The following DRICH1 variants were observed in gnomAD, a reference collection of about 807,000 sequenced individuals.
The protein encoded by DRICH1 is aspartate-rich protein 1.
DRICH1 carries 38 observed loss-of-function variants against 39.5 expected under a neutral mutation model. That is an observed-to-expected ratio of 0.96 (90% CI 0.74 to 1.26). The LOEUF is 1.26. DRICH1 is among the 50% of genes most tolerant of loss of function. The pLI, the probability that DRICH1 is intolerant of heterozygous loss-of-function variation, is 0.00. For missense variants in DRICH1, 279 were observed against 270.4 expected, an observed-to-expected ratio of 1.03 and a Z score of -0.22; for synonymous variants, 84 against 99.5, an observed-to-expected ratio of 0.84 and a Z score of 0.93.
At chr22:23,601,246 AT>A in the DRICH1 span, among the ~76,000 whole-genome samples, 6 of 152,216 alleles carry the variant, frequency 3.9e-5, no homozygotes, top group Non-Finnish European at 7.4e-5. Context: ...CATAAATGGA[AT>A]CATACTCAGC....
intron 11 of DRICH1, 119 bp downstream of exon 11, chr22:23,613,169 TC>T (rs2123765270): frequency 1.3e-6 from 1 of 768,244 alleles, no homozygotes; most frequent in East Asian, 2.5e-5. Context: ...CACACATATT[TC>T]CATTTTCTTT....
the DRICH1 span, among the ~76,000 whole-genome samples, chr22:23,597,914 CTTGT>C: frequency 6.6e-6 from 1 of 151,832 alleles, no homozygotes; most frequent in African/African-American, 2.4e-5. Context: ...CCACATCTGT[CTTGT>C]TTTTCTCCTG....
intron 1 of DRICH1, among the ~76,000 whole-genome samples, chr22:23,628,760 G>A (rs566063121): frequency 6.6e-6 from 1 of 152,284 alleles, no homozygotes; most frequent in East Asian, 1.9e-4. Flanking sequence ...CTGCTGACTT[G>A]TGTCCTGTCT....
chr22:23,622,047 A>G (rs1927770573), intron 4 of DRICH1, 44 bp downstream of exon 4: 3 of 1,601,854 alleles, frequency 1.9e-6, no homozygotes, highest in African/African-American at 2.7e-5. Context: ...TTCTCACATC[A>G]GAAAACCAAC....
At position 23,626,131 on chromosome 22, in the gene DRICH1, T is replaced by C; in HGVS notation, c.209-83A>G. ...AGGGAGCTTTGCTGGATGCGGCACA[T>C]GGAGCGTGGGACTGAAGGTTCGGAG... On this transcript the variant is annotated intron_variant, in intron 1 of 11. Coordinates refer to ENST00000317749, the MANE Select transcript of DRICH1 (RefSeq NM_016449.4). 3 of 919,926 alleles carry C rather than the reference T, an allele frequency of 3.3e-6. No individual in the cohort carries two copies. In the South Asian group the frequency reaches 4.1e-5, roughly 13 times the overall value. The allele number at this position is 919,926 out of a possible 1,614,324, so 57.0% of individuals were successfully genotyped here. A position where few individuals can be genotyped will look rare whatever the true frequency, so the allele number is the denominator to read the frequency against.
intron 11 of DRICH1, 93 bp from the exon 12 acceptor site, chr22:23,608,861 C>A: frequency 2.2e-6 from 3 of 1,358,366 alleles, no homozygotes; most frequent in Non-Finnish European, 3.1e-6. Context: ...ACGCCAGCAT[C>A]CCTGGGCTCC....
intron 1 of DRICH1, among the ~76,000 whole-genome samples, chr22:23,629,222 A>G (rs1928250507): frequency 6.6e-6 from 1 of 152,190 alleles, no homozygotes; most frequent in Non-Finnish European, 1.5e-5. Flanking sequence ...TATTTTCAGT[A>G]GAGACAGGGT....
At chr22:23,631,140 C>T (rs1928359834) in intron 1 of DRICH1, among the ~76,000 whole-genome samples, 1 of 152,096 alleles carries the variant, frequency 6.6e-6, no homozygotes, top group Non-Finnish European at 1.5e-5. Context: ...AAATTAGGAG[C>T]CGGGCGCGAT....
chr22:23,617,553 A>G (rs776524893), intron 7 of DRICH1, 22 bp downstream of exon 7: 6 of 1,612,788 alleles, frequency 3.7e-6, no homozygotes, highest in Non-Finnish European at 5.1e-6. Flanking sequence ...TTTCCTTAGA[A>G]GACAAAGAAA....
At chr22:23,595,260 C>T in the DRICH1 span, among the ~76,000 whole-genome samples, 24 of 148,218 alleles carry the variant, frequency 1.6e-4, no homozygotes, top group South Asian at 1.6e-3. Context: ...AGCTCTTGGT[C>T]GCTGTGGTGA....
At position 23,624,251 on chromosome 22, in the gene DRICH1, T is replaced by C. The variant is rs148734630; in HGVS notation, c.298+632A>G. The stretch of plus-strand genomic sequence containing the variant: ...TGAGTAACTGCTTGTGACAGAACTG[T>C]GTCCCAAACCACAGGCTCTGAGATT... On this transcript the variant is annotated intron_variant, in intron 3 of 11. Coordinates refer to ENST00000317749, the MANE Select transcript of DRICH1 (RefSeq NM_016449.4). The C allele has an allele frequency of 3.1e-3, 3,041 of 985,366 alleles. 76 individuals are homozygous for C. The African/African-American group carries it at 0.048, about 15-fold the overall frequency. The allele number at this position is 985,366 out of a possible 1,614,324, so 61.0% of individuals were successfully genotyped here. A position where few individuals can be genotyped will look rare whatever the true frequency, so the allele number is the denominator to read the frequency against.
intron 9 of DRICH1, 103 bp from the exon 10 acceptor site, chr22:23,613,763 T>G: frequency 1.2e-6 from 1 of 857,132 alleles, no homozygotes. Flanking sequence ...GAAGGCAGTA[T>G]AGTGATTGAG....
At chr22:23,610,999 C>A (rs1315986991) in intron 11 of DRICH1, among the ~76,000 whole-genome samples, 1 of 151,640 alleles carries the variant, frequency 6.6e-6, no homozygotes, top group African/African-American at 2.4e-5. Context: ...TTCAATTGCA[C>A]TCATATAACC....
intron 3 of DRICH1, chr22:23,624,384 CATA>C: frequency 1.0e-6 from 1 of 964,850 alleles, no homozygotes; most frequent in Non-Finnish European, 1.2e-6. Context: ...AGCCCATAAA[CATA>C]ATACTTCTCA....
the DRICH1 span, among the ~76,000 whole-genome samples, chr22:23,585,797 G>C: frequency 6.6e-6 from 1 of 152,218 alleles, no homozygotes; most frequent in African/African-American, 2.4e-5. Context: ...TGGGATTACA[G>C]GGATGAGTCA....
chr22:23,622,695 GAAAATGCTACAATTA>G (rs1927826348), intron 3 of DRICH1, among the ~76,000 whole-genome samples: 1 of 86,532 alleles, frequency 1.2e-5, no homozygotes, highest in Non-Finnish European at 2.6e-5. Flanking sequence ...AAAAGAATAT[GAAAATGCTACAATTA>G]AAAATAGTCA....
At chr22:23,588,854 T>C in the DRICH1 span, among the ~76,000 whole-genome samples, 7 of 152,148 alleles carry the variant, frequency 4.6e-5, no homozygotes, top group South Asian at 2.1e-4. Flanking sequence ...AGTTCTAGTT[T>C]AGCCAGGTGG....
rs187848220 is a variant in DRICH1, at chr22:23,623,464, C to T, written c.299-1288G>A. ...CAAATTTATATCAGTCTTGTTAAAT[C>T]TAACTAATCAGCTGTCAACATAAAG... On this transcript the variant is annotated intron_variant, in intron 3 of 11. Transcript: ENST00000317749. Among the ~76,000 whole-genome samples the T allele has an allele frequency of 1.1e-3, 173 of 152,200 alleles. 4 individuals are homozygous for T. Among genetic ancestry groups the T allele is most frequent in the South Asian group, 1.0e-2 (48 of 4,810 alleles).
chr22:23,600,465 G>A, the DRICH1 span, among the ~76,000 whole-genome samples: 1 of 152,140 alleles, frequency 6.6e-6, no homozygotes, highest in East Asian at 1.9e-4. Flanking sequence ...GAAGCTTCTG[G>A]AGCAGAAGAT....
Sources: gnomAD v4.1 joint callset for allele counts (sites outside exome capture counted in the v4.1 genomes callset) on GRCh38, gnomAD v4.1.1 for gene constraint, MANE v1.5 for transcripts, NCBI Gene and HGNC (gene_info 2026-07-23, HGNC 2026-07-21) for gene names.